The following TNIK variants were observed in gnomAD, a reference collection of about 807,000 sequenced individuals.
TNIK encodes TRAF2 and NCK interacting kinase, also known as TRAF2 and NCK-interacting protein kinase.
TNIK carries 49 observed loss-of-function variants against 191.3 expected under a neutral mutation model. That is an observed-to-expected ratio of 0.26 (90% confidence interval 0.20 to 0.32). The LOEUF is 0.32. Ranked by LOEUF, TNIK falls within the 10% of genes least tolerant of loss-of-function variation. The pLI, the probability that TNIK is intolerant of heterozygous loss-of-function variation, is 1.00. For missense variants in TNIK, 1,155 were observed against 1,702.3 expected (o/e 0.68, Z 5.66); for synonymous variants, 594 against 600.9 (o/e 0.99, Z 0.17).
chr3:171,230,143 AG>A (rs1743443906), intron 2 of TNIK, among the ~76,000 whole-genome samples: 2 of 152,214 alleles, frequency 1.3e-5, no homozygotes, highest in South Asian at 2.1e-4. Flanking sequence ...CTACAGAACC[AG>A]GAACACTAAC....
At chr3:171,370,492 A>T (rs968341328) in intron 1 of TNIK, among the ~76,000 whole-genome samples, 1 of 152,230 alleles carries the variant, frequency 6.6e-6, no homozygotes, top group African/African-American at 2.4e-5. Flanking sequence ...ATAAAATTCT[A>T]TTCAGAGGCA....
At chr3:171,399,882 T>C (rs77466928) in intron 1 of TNIK, among the ~76,000 whole-genome samples, 1,594 of 152,290 alleles carry the variant, frequency 0.01, 27 homozygotes, top group African/African-American at 0.035. Flanking sequence ...TACTTTTGTA[T>C]GGAAAAATCA....
chr3:171,274,943 G>A (rs981652446), intron 2 of TNIK, among the ~76,000 whole-genome samples: 8 of 152,174 alleles, frequency 5.3e-5, no homozygotes, highest in African/African-American at 1.4e-4. Context: ...ATTCTTCGAA[G>A]GCCAGAGAAT....
intron 2 of TNIK, among the ~76,000 whole-genome samples, chr3:171,268,956 C>T (rs1359574325): frequency 6.6e-6 from 1 of 152,174 alleles, no homozygotes; most frequent in East Asian, 1.9e-4. Context: ...GAAGTATATT[C>T]ACCCACAAGT....
intron 1 of TNIK, among the ~76,000 whole-genome samples, chr3:171,390,332 G>A (rs1048503912): frequency 8.5e-5 from 13 of 152,176 alleles, no homozygotes; most frequent in African/African-American, 2.4e-4. Context: ...CTGCCACACC[G>A]TGTTTGAATG....
intron 2 of TNIK, among the ~76,000 whole-genome samples, chr3:171,321,340 G>T (rs558012465): frequency 3.9e-5 from 6 of 151,936 alleles, no homozygotes; most frequent in Non-Finnish European, 8.8e-5. Context: ...AACTTATTGC[G>T]GTTTTCTAGC....
intron 1 of TNIK, among the ~76,000 whole-genome samples, chr3:171,388,663 G>A (rs1252874496): frequency 6.6e-6 from 1 of 152,168 alleles, no homozygotes; most frequent in East Asian, 1.9e-4. Context: ...CTTTCAGTTA[G>A]TCTGTTCACA....
Position 171,108,100 on chromosome 3 carries a change from C to T in TNIK, c.2347G>A (p.Glu783Lys). ...PHEPAKVKPE[E>K]SRDITRPSRP... ...CTGGGCCGGGTAATGTCCCTGGATTCTTCTGGTTTCACCTTCGCAGGCTCA... is the reference window on the plus strand; with the variant it reads ...CTGGGCCGGGTAATGTCCCTGGATTTTTCTGGTTTCACCTTCGCAGGCTCA... The change falls in exon 20 of 33, where the codon GAA becomes AAA. Residue 783 changes from glutamate to lysine, a missense_variant. By Grantham distance (56) the Glu-to-Lys change is moderately conservative (BLOSUM62 1). This residue lies in a region of TNIK where 735 missense variants were observed against 848.0 expected (regional missense o/e 0.87). Coordinates refer to ENST00000436636, the MANE Select transcript of TNIK (RefSeq NM_015028.4). 1 of 1,576,682 alleles carries T rather than the reference C, an allele frequency of 6.3e-7. No homozygotes were observed. Among genetic ancestry groups the T allele is most frequent in the Non-Finnish European group, 8.6e-7 (1 of 1,160,056 alleles).
intron 22 of TNIK, among the ~76,000 whole-genome samples, chr3:171,099,271 C>CAG (rs1308030825): frequency 6.6e-6 from 1 of 152,062 alleles, no homozygotes; most frequent in Admixed American, 6.6e-5. Context: ...TTCACTAGTC[C>CAG]AGACTCCCCT....
intron 2 of TNIK, among the ~76,000 whole-genome samples, chr3:171,348,352 C>T (rs1411325231): frequency 6.6e-6 from 1 of 152,104 alleles, no homozygotes; most frequent in Non-Finnish European, 1.5e-5. Context: ...GAGAATCCAT[C>T]TAAATTTTAA....
intron 1 of TNIK, among the ~76,000 whole-genome samples, chr3:171,387,981 G>T (rs1044031242): frequency 4.0e-5 from 6 of 150,148 alleles, no homozygotes; most frequent in Admixed American, 3.3e-4. Context: ...CAAGGAGTGT[G>T]GGGGGAGGGG....
In TNIK at chr3:171,113,924, G is replaced by A. The variant is rs1242728989; in HGVS notation, c.2121-3047C>T. Reference sequence around the variant, plus strand: ...CACCTAGGCCAATTTTGGCCATCAGGGGAGCTGTACCCAAACAGGAGACAT... The same window carrying A: ...CACCTAGGCCAATTTTGGCCATCAGAGGAGCTGTACCCAAACAGGAGACAT... On this transcript the variant is annotated intron_variant, in intron 18 of 32. Transcript: ENST00000436636. Among the ~76,000 whole-genome samples the A allele has an allele frequency of 2.6e-5, 4 of 151,162 alleles. No homozygotes were observed. In the East Asian group the frequency reaches 7.8e-4, roughly 30 times the overall value.
chr3:171,457,662 C>G (rs971396067), intron 1 of TNIK, among the ~76,000 whole-genome samples: 4 of 152,198 alleles, frequency 2.6e-5, no homozygotes, highest in Non-Finnish European at 5.9e-5. Context: ...AGACACACCT[C>G]ACCCACAAGA....
At chr3:171,440,713 A>C (rs745942820) in intron 1 of TNIK, among the ~76,000 whole-genome samples, 77 of 152,360 alleles carry the variant, frequency 5.1e-4, no homozygotes, top group African/African-American at 1.8e-3. Flanking sequence ...TCTCTTCTGC[A>C]GGAAGAGGGT....
chr3:171,415,659 T>A (rs1722950673), intron 1 of TNIK, among the ~76,000 whole-genome samples: 1 of 151,966 alleles, frequency 6.6e-6, no homozygotes, highest in Non-Finnish European at 1.5e-5. Flanking sequence ...AATAGTTACA[T>A]CACTGGACCT....
intron 2 of TNIK, among the ~76,000 whole-genome samples, chr3:171,337,882 A>G (rs1465642083): frequency 6.6e-6 from 1 of 152,220 alleles, no homozygotes; most frequent in African/African-American, 2.4e-5. Flanking sequence ...TAGTGCTCCA[A>G]TGAGCAGAAG....
At chr3:171,347,165 C>A in intron 2 of TNIK, 1 of 1,529,188 alleles carries the variant, frequency 6.5e-7, no homozygotes, top group Middle Eastern at 1.7e-4. Flanking sequence ...TCATGGGTGA[C>A]TCCTAGTTGG....
intron 1 of TNIK, among the ~76,000 whole-genome samples, chr3:171,421,332 A>G (rs909329610): frequency 6.6e-6 from 1 of 152,214 alleles, no homozygotes; most frequent in Non-Finnish European, 1.5e-5. Context: ...CCTGACTGGC[A>G]GAACTGACCC....
chr3:171,308,428 T>G (rs2108292794), intron 2 of TNIK, among the ~76,000 whole-genome samples: 1 of 152,150 alleles, frequency 6.6e-6, no homozygotes, highest in East Asian at 1.9e-4. Flanking sequence ...CATCAAAAAT[T>G]TCAATGTAAA....
Sources: gnomAD v4.1 joint callset for allele counts (sites outside exome capture counted in the v4.1 genomes callset) on GRCh38, gnomAD v4.1.1 for gene constraint, gnomAD v4.1.1 regional missense constraint, MANE v1.5 for transcripts, NCBI Gene and HGNC (gene_info 2026-07-23, HGNC 2026-07-21) for gene names.